Variants in CCDC175 observed in about 807,000 individuals in gnomAD.
CCDC175 encodes the protein coiled-coil domain containing 175.
Under a neutral mutation model 114.6 loss-of-function variants are expected in CCDC175, and 100 were observed. The ratio of observed to expected loss-of-function variants is 0.87; its 90% CI spans 0.74 to 1.03. The LOEUF (loss-of-function observed/expected upper bound fraction) is 1.03. Among genes scored for constraint, CCDC175 ranks in the 50% least tolerant of loss-of-function variants. The pLI, the probability that CCDC175 is intolerant of heterozygous loss-of-function variation, is 0.00. For synonymous variants in CCDC175, 306 were observed against 308.7 expected, an observed-to-expected ratio of 0.99 and a Z score of 0.09; for missense variants, 880 against 917.8, an observed-to-expected ratio of 0.96 and a Z score of 0.53.
At chr14:59,525,480 G>A (rs1420428959) in intron 15 of CCDC175, 46 bp from the exon 16 acceptor site, 1 of 1,417,858 alleles carries the variant, frequency 7.1e-7, no homozygotes, top group Non-Finnish European at 9.4e-7. Context: ...TCAAACAGTA[G>A]GGCACGAGGG....
chr14:59,525,892 A>G (rs989215850), intron 15 of CCDC175, among the ~76,000 whole-genome samples: 1 of 152,236 alleles, frequency 6.6e-6, no homozygotes, highest in Non-Finnish European at 1.5e-5. Flanking sequence ...TGGGTAGGTT[A>G]TATGCAAATA....
At chr14:59,526,638 T>C (rs1290384255) in intron 15 of CCDC175, among the ~76,000 whole-genome samples, 1 of 152,150 alleles carries the variant, frequency 6.6e-6, no homozygotes, top group Non-Finnish European at 1.5e-5. Context: ...CACATGCATA[T>C]GCTTATCACC....
intron 7 of CCDC175, among the ~76,000 whole-genome samples, chr14:59,553,590 A>G (rs936877696): frequency 2.0e-5 from 3 of 152,238 alleles, no homozygotes; most frequent in African/African-American, 4.8e-5. Context: ...CATCATAATG[A>G]CAGGATCAAA....
intron 9 of CCDC175, among the ~76,000 whole-genome samples, chr14:59,544,302 G>T (rs1447111460): frequency 6.6e-6 from 1 of 152,078 alleles, no homozygotes; most frequent in Admixed American, 6.6e-5. Context: ...GAGTAGCTGG[G>T]ATTACAAGCA....
chr14:59,525,526 C>T, intron 15 of CCDC175, 92 bp from the exon 16 acceptor site: 1 of 883,358 alleles, frequency 1.1e-6, no homozygotes, highest in Non-Finnish European at 1.6e-6. Context: ...GAGCCAGATT[C>T]TAAATTAATT....
chr14:59,527,704 T>G (rs947340906), intron 14 of CCDC175, among the ~76,000 whole-genome samples: 2 of 152,066 alleles, frequency 1.3e-5, no homozygotes, highest in African/African-American at 4.8e-5. Context: ...TACATATAAT[T>G]AATTCATACC....
At chr14:59,530,050 G>T (rs1893971230) in intron 14 of CCDC175, among the ~76,000 whole-genome samples, 1 of 152,086 alleles carries the variant, frequency 6.6e-6, no homozygotes, top group African/African-American at 2.4e-5. Context: ...TAAACAAAGG[G>T]ATAGGAAGAA....
At chr14:59,546,526 A>C (rs1895121231) in intron 8 of CCDC175, among the ~76,000 whole-genome samples, 1 of 152,216 alleles carries the variant, frequency 6.6e-6, no homozygotes, top group Admixed American at 6.5e-5. Context: ...GAGAATGAAG[A>C]ATCCAGAGCG....
At position 59,554,245 on chromosome 14, in the gene CCDC175, C is replaced by G. The variant is rs113861958; in HGVS notation, c.954-2809G>C. Among the ~76,000 whole-genome samples the G allele has an allele frequency of 2.6e-4, 39 of 152,300 alleles. No individual in the cohort carries two copies. The East Asian group carries it at 6.5e-3, about 26-fold the overall frequency. ...GCAATCTTCAGCAAATGTAAAAGAA[C>G]AGAAATTATAACAAACTGTCTCTCA... On this transcript the variant is annotated intron_variant, in intron 7 of 19. Transcript: ENST00000537690.
chr14:59,563,333 A>G (rs1896331049), intron 6 of CCDC175, among the ~76,000 whole-genome samples: 1 of 152,146 alleles, frequency 6.6e-6, no homozygotes, highest in African/African-American at 2.4e-5. Flanking sequence ...ATGTTGCTGT[A>G]CTCAATAGAG....
At position 59,538,839 on chromosome 14, in the gene CCDC175, C is replaced by T; in HGVS notation, c.1357G>A (p.Val453Ile). ...ANLERESQRCVITQWKMACLR... is the reference protein window; with the variant it reads ...ANLERESQRCIITQWKMACLR... ...CAAGCCATTTTCCACTGAGTTATAA[C>T]ACTAGAGATTAGAGCAAAAAGAATT... Residue 453 changes from valine (V) to isoleucine (I), a missense_variant and splice_region_variant, in exon 12 of 20, where the codon GTT becomes ATT. By Grantham distance (29) the Val-to-Ile change is conservative. Transcript: ENST00000537690. 6.5e-7 allele frequency: 1 copy of T among 1,530,474 alleles called. No individual in the cohort carries two copies. Among genetic ancestry groups the T allele is most frequent in the Non-Finnish European group, 8.7e-7 (1 of 1,145,074 alleles). The allele number at this position is 1,530,474 out of a possible 1,614,324, so 94.8% of individuals were successfully genotyped here.
chr14:59,515,759 G>A (rs1178393640), intron 17 of CCDC175, among the ~76,000 whole-genome samples: 2 of 152,142 alleles, frequency 1.3e-5, no homozygotes, highest in Non-Finnish European at 2.9e-5. Context: ...ACAGATCAAT[G>A]AGACAGAAAG....
intron 7 of CCDC175, among the ~76,000 whole-genome samples, chr14:59,552,923 T>C (rs1895619396): frequency 6.6e-6 from 1 of 151,876 alleles, no homozygotes; most frequent in African/African-American, 2.4e-5. Flanking sequence ...GAAAAAACAG[T>C]AAAAAGAAAT....
At chr14:59,535,711 C>T (rs1339572594) in intron 13 of CCDC175, among the ~76,000 whole-genome samples, 2 of 152,208 alleles carry the variant, frequency 1.3e-5, no homozygotes, top group Non-Finnish European at 2.9e-5. Flanking sequence ...ACTCAGAACC[C>T]TCCAATGGCT....
intron 8 of CCDC175, among the ~76,000 whole-genome samples, chr14:59,547,999 C>T (rs1895221563): frequency 6.6e-6 from 1 of 152,152 alleles, no homozygotes; most frequent in South Asian, 2.1e-4. Context: ...GATATCTGTA[C>T]TTCTATGTTC....
chr14:59,549,719 CA>C (rs370269871), intron 8 of CCDC175, among the ~76,000 whole-genome samples: 18 of 89,602 alleles, frequency 2.0e-4, no homozygotes, highest in Admixed American at 5.2e-4. Context: ...GACTATGTCT[CA>C]AAAAAAAAAA....
chr14:59,531,366 T>C (rs1186009845), intron 14 of CCDC175, among the ~76,000 whole-genome samples: 1 of 151,536 alleles, frequency 6.6e-6, no homozygotes, highest in Non-Finnish European at 1.5e-5. Flanking sequence ...AAAAAAAATC[T>C]GAGGAGTGCT....
At chr14:59,557,143 A>G (rs1359531596) in intron 7 of CCDC175, among the ~76,000 whole-genome samples, 1 of 152,110 alleles carries the variant, frequency 6.6e-6, no homozygotes, top group Non-Finnish European at 1.5e-5. Flanking sequence ...TATAAATCAT[A>G]CTGCTATAAA....
At chr14:59,537,480 G>C (rs1213438466) in intron 13 of CCDC175, among the ~76,000 whole-genome samples, 1 of 152,184 alleles carries the variant, frequency 6.6e-6, no homozygotes, top group African/African-American at 2.4e-5. Flanking sequence ...CACCATCCCT[G>C]TTCTCAGCTG....
Sources: gnomAD v4.1 joint callset for allele counts (sites outside exome capture counted in the v4.1 genomes callset) on GRCh38, gnomAD v4.1.1 for gene constraint, MANE v1.5 for transcripts, NCBI Gene and HGNC (gene_info 2026-07-23, HGNC 2026-07-21) for gene names.